NPM3: variants seen among roughly 807,000 people sequenced by gnomAD.
The protein encoded by NPM3 is nucleoplasmin-3.
Under a neutral mutation model 18.1 loss-of-function variants are expected in NPM3, and 12 were observed. The observed-to-expected ratio is 0.66, with a 90% confidence interval of 0.42 to 1.07. The LOEUF (loss-of-function observed/expected upper bound fraction) is 1.07, where lower values mean the gene tolerates loss of function less well. Ranked by LOEUF, NPM3 falls within the 50% of genes least tolerant of loss-of-function variation. The pLI is 0.00. For missense variants in NPM3, 274 were observed against 232.1 expected, an observed-to-expected ratio of 1.18 and a Z score of -1.17; for synonymous variants, 116 against 93.7, an observed-to-expected ratio of 1.24 and a Z score of -1.38.
Position 101,782,553 on chromosome 10 carries a change from TTC to T in NPM3, c.247_248del (p.Glu83SerfsTer7). On this transcript the variant is annotated frameshift_variant, in exon 3 of 6. Coordinates refer to ENST00000370110, the Ensembl canonical transcript of NPM3. LOFTEE classifies it high-confidence loss of function. ...GATGGTCATGGTTCCGGGCCACAAC[TTC>T]TACCACATTACACTCGTCTTTGGCT... is the stretch of plus-strand genomic sequence containing the variant. 6.2e-7 allele frequency: 1 copy of T among 1,614,024 alleles called. No individual in the cohort carries two copies. Among genetic ancestry groups the T allele is most frequent in the African/African-American group, 1.3e-5 (1 of 74,996 alleles).
chr10:101,782,480 T>C, exon 3 of NPM3: 1 of 1,611,180 alleles, frequency 6.2e-7, no homozygotes, highest in Non-Finnish European at 8.5e-7. Flanking sequence ...GAACTCACCA[T>C]GGGTTGGCAG....
In NPM3 at chr10:101,782,856, C is replaced by T. The variant is rs533479029; in HGVS notation, c.187G>A (p.Val63Met). ...CCCCTCACCATGGTTAGTGCCAGCA[C>T]GTGCTCCGCATCATCCTCTTCCTCT... Residue 63 changes from valine (V) to methionine (M), a missense_variant, in exon 2 of 6, where the codon GTG (valine) becomes ATG (methionine). By Grantham distance (21) the Val-to-Met change is conservative. Transcript: ENST00000370110. 40 of 1,614,064 alleles carry T rather than the reference C, an allele frequency of 2.5e-5. 1 individual carries two copies. Among genetic ancestry groups the T allele is most frequent in the South Asian group, 3.3e-5 (3 of 91,068 alleles).
chr10:101,782,651 A>G (rs1035308500), intron 2 of NPM3, 54 bp from the exon 3 acceptor site: 15 of 1,610,156 alleles, frequency 9.3e-6, no homozygotes, highest in African/African-American at 4.0e-5. Flanking sequence ...TTGACACCAC[A>G]ACTAAAGGCA....
chr10:101,782,097 G>A (rs2065145471), intron 4 of NPM3, among the ~76,000 whole-genome samples, 161 bp downstream of exon 4: 1 of 152,194 alleles, frequency 6.6e-6, no homozygotes. Context: ...TAGACGGAAA[G>A]GAGAGGGCAT....
chr10:101,782,125 G>T, intron 4 of NPM3, 133 bp downstream of exon 4: 1 of 915,296 alleles, frequency 1.1e-6, no homozygotes, highest in Non-Finnish European at 1.7e-6. Context: ...ACAGGGCACA[G>T]CGTGGAGGGC....
At chr10:101,782,625 TCTC>T (rs915983073) in intron 2 of NPM3, 28 bp from the exon 3 acceptor site, 9 of 1,612,412 alleles carry the variant, frequency 5.6e-6, no homozygotes, top group African/African-American at 1.3e-5. Context: ...GGCCTCAGGG[TCTC>T]CTCAAGTGAG....
intron 2 of NPM3, 28 bp from the exon 3 acceptor site, chr10:101,782,625 T>A: frequency 1.2e-6 from 2 of 1,612,530 alleles, no homozygotes; most frequent in South Asian, 2.2e-5. Context: ...GGCCTCAGGG[T>A]CTCCTCAAGT....
intron 4 of NPM3, 57 bp from the exon 5 acceptor site, chr10:101,781,911 C>A: frequency 6.2e-7 from 1 of 1,613,830 alleles, no homozygotes; most frequent in Non-Finnish European, 8.5e-7. Context: ...CGTTTCACAC[C>A]GCATGCCATT....
rs753711159 is a variant in NPM3, at chr10:101,782,936, A to G, written c.119-12T>C. ...GGAGAGCTCACAGCCTGGTAGAAAT[A>G]ACAGTGAGTATGCCTGAGCGTGTGT... is the stretch of plus-strand genomic sequence containing the variant. On this transcript the variant is annotated splice_polypyrimidine_tract_variant and intron_variant, in intron 1 of 5. Transcript: ENST00000370110. The G allele has an allele frequency of 6.2e-7, 1 of 1,613,046 alleles. No individual in the cohort carries two copies. The highest frequency in any genetic ancestry group is 1.1e-5 in the South Asian group (1 of 90,924).
intron 1 of NPM3, 113 bp downstream of exon 1, chr10:101,783,160 C>A: frequency 1.1e-6 from 1 of 916,388 alleles, no homozygotes; most frequent in Non-Finnish European, 1.7e-6. Context: ...CCTGCGGGAA[C>A]AGCGAAGCAG....
intron 4 of NPM3, among the ~76,000 whole-genome samples, 178 bp downstream of exon 4, chr10:101,782,080 G>A (rs947894616): frequency 3.3e-5 from 5 of 152,168 alleles, no homozygotes; most frequent in African/African-American, 7.2e-5. Context: ...GAGGAGGTAG[G>A]CTTGAGTAGA....
chr10:101,781,547 TCTC>T (rs2065140919), exon 6 of NPM3: 3 of 199,078 alleles, frequency 1.5e-5, no homozygotes, highest in Non-Finnish European at 2.8e-5. Context: ...CCACCCAAGC[TCTC>T]CTCTTCAAGG....
intron 3 of NPM3, 36 bp downstream of exon 3, chr10:101,782,433 TCACCACCAC>T (rs561586403): frequency 7.5e-6 from 12 of 1,600,128 alleles, no homozygotes; most frequent in East Asian, 6.8e-5. Flanking sequence ...CTCAATCCCC[TCACCACCAC>T]CACCACCACC....
At chr10:101,782,994 C>T in intron 1 of NPM3, 70 bp from the exon 2 acceptor site, 1 of 1,427,236 alleles carries the variant, frequency 7.0e-7, no homozygotes, top group Non-Finnish European at 9.8e-7. Context: ...GTCACCAACC[C>T]GCCGTCACGT....
intron 1 of NPM3, 87 bp downstream of exon 1, chr10:101,783,186 C>G: frequency 1.9e-6 from 2 of 1,072,516 alleles, no homozygotes; most frequent in Non-Finnish European, 2.8e-6. Context: ...CGCCCACACC[C>G]ACGCCTTGAA....
chr10:101,782,760 AG>A, intron 2 of NPM3, 78 bp downstream of exon 2: 1 of 1,577,318 alleles, frequency 6.3e-7, no homozygotes, highest in Non-Finnish European at 8.7e-7. Flanking sequence ...CTCCAAGTAA[AG>A]GGGATCCGGA....
At chr10:101,782,899 G>A (rs771484650) in exon 2 of NPM3, 8 of 1,614,034 alleles carry the variant, frequency 5.0e-6, no homozygotes, top group Non-Finnish European at 6.8e-6. Flanking sequence ...AGGTGAAGGA[G>A]CGGGTGTGGC....
intron 2 of NPM3, 40 bp from the exon 3 acceptor site, chr10:101,782,637 A>T: frequency 6.2e-7 from 1 of 1,611,764 alleles, no homozygotes; most frequent in Non-Finnish European, 8.5e-7. Flanking sequence ...TCCTCAAGTG[A>T]GGGTTGACAC....
At chr10:101,782,340 A>T in exon 4 of NPM3, 1 of 1,613,912 alleles carries the variant, frequency 6.2e-7, no homozygotes, top group Non-Finnish European at 8.5e-7. Flanking sequence ...GCTGGAAGTC[A>T]TCCAGACTGA....
Sources: gnomAD v4.1 joint callset for allele counts (sites outside exome capture counted in the v4.1 genomes callset) on GRCh38, gnomAD v4.1.1 for gene constraint, MANE v1.5 for transcripts, NCBI Gene and HGNC (gene_info 2026-07-23, HGNC 2026-07-21) for gene names.